The following OLA1 variants were observed in gnomAD, a reference collection of about 807,000 sequenced individuals.
The protein encoded by OLA1 is Obg like ATPase 1, also known as obg-like ATPase 1.
In OLA1, 14 loss-of-function variants were observed where a neutral mutation model predicts 48.4. That is an observed-to-expected ratio of 0.29 (90% CI 0.19 to 0.45). OLA1 has a LOEUF of 0.45. Ranked by LOEUF, OLA1 falls within the 20% of genes least tolerant of loss-of-function variation. The pLI is 1.00. For missense variants in OLA1, 325 were observed against 467.1 expected, an observed-to-expected ratio of 0.70 and a Z score of 2.80; for synonymous variants, 127 against 150.4, an observed-to-expected ratio of 0.84 and a Z score of 1.14.
At chr2:174,091,219 C>T (rs1258080081) in intron 7 of OLA1, among the ~76,000 whole-genome samples, 1 of 152,124 alleles carries the variant, frequency 6.6e-6, no homozygotes, top group African/African-American at 2.4e-5. Context: ...GCAAACTGGT[C>T]TAGATAAGTA....
intron 2 of OLA1, among the ~76,000 whole-genome samples, chr2:174,237,744 ACT>A (rs1324454606): frequency 6.6e-6 from 1 of 152,140 alleles, no homozygotes; most frequent in Non-Finnish European, 1.5e-5. Flanking sequence ...ATGGAGCAAG[ACT>A]CTGTCTCAAA....
chr2:174,161,182 C>T (rs1450606533), intron 4 of OLA1, among the ~76,000 whole-genome samples: 2 of 152,044 alleles, frequency 1.3e-5, no homozygotes, highest in African/African-American at 2.4e-5. Context: ...ATAGTTAATA[C>T]AATGCCATAT....
intron 4 of OLA1, among the ~76,000 whole-genome samples, chr2:174,214,608 C>A (rs1217954674): frequency 1.3e-5 from 2 of 152,080 alleles, no homozygotes; most frequent in African/African-American, 4.8e-5. Flanking sequence ...GTGGTTAGGG[C>A]CCTTGGGTGG....
chr2:174,105,053 AATG>A (rs911987625), intron 7 of OLA1, among the ~76,000 whole-genome samples: 3 of 152,046 alleles, frequency 2.0e-5, no homozygotes, highest in Non-Finnish European at 4.4e-5. Context: ...GAAAAAATTA[AATG>A]ATGTTAACCA....
chr2:174,238,455 C>T (rs1688911058), intron 2 of OLA1, among the ~76,000 whole-genome samples: 1 of 131,454 alleles, frequency 7.6e-6, no homozygotes, highest in Admixed American at 8.7e-5. Flanking sequence ...GACTGTGCCA[C>T]AGAACTCCAG....
chr2:174,109,420 C>A (rs570663849), intron 7 of OLA1, among the ~76,000 whole-genome samples: 55 of 152,232 alleles, frequency 3.6e-4, no homozygotes, highest in African/African-American at 1.3e-3. Context: ...CCATCACATA[C>A]CATAATCATG....
chr2:174,225,177 G>A (rs1234556470), intron 3 of OLA1, among the ~76,000 whole-genome samples: 4 of 152,082 alleles, frequency 2.6e-5, no homozygotes, highest in Non-Finnish European at 5.9e-5. Flanking sequence ...AAAATGGTCT[G>A]GTGCCTGTCT....
chr2:174,218,379 A>G (rs553431104), intron 4 of OLA1, among the ~76,000 whole-genome samples: 1 of 152,304 alleles, frequency 6.6e-6, no homozygotes, highest in African/African-American at 2.4e-5. Context: ...ATGAAAAAAA[A>G]ACCACCAGAA....
rs1354415030 is a variant in OLA1, at chr2:174,182,082, T to A, written c.374-40082A>T. ...AGGAACTGAAAGAGGGAAGAAAGAG[T>A]TAAATATCTGAAGAACTAAAAATCT... is the stretch of plus-strand genomic sequence containing the variant. On this transcript the variant is annotated intron_variant, in intron 4 of 10. Transcript: ENST00000284719. 2.0e-5 allele frequency among the ~76,000 whole-genome samples: 3 copies of A among 152,034 alleles called. No homozygotes were observed. The East Asian group carries it at 5.8e-4, about 29-fold the overall frequency.
Position 174,081,235 on chromosome 2 carries a change from T to A in OLA1, c.883A>T (p.Ile295Phe). The A allele has an allele frequency of 6.2e-7, 1 of 1,610,726 alleles. No individual in the cohort carries two copies. The highest frequency in any genetic ancestry group is 8.5e-7 in the Non-Finnish European group (1 of 1,178,804). Residue 295 changes from isoleucine (I) to phenylalanine (F), a missense_variant, in exon 9 of 11, where the codon ATC (isoleucine) becomes TTC (phenylalanine). Ile to Phe is a conservative substitution (Grantham distance 21). Coordinates refer to ENST00000284719, the MANE Select transcript of OLA1 (RefSeq NM_013341.5). ...AGTGCTGCAAACCCAGCCTTAATGA[T>A]CTTTGGCAAAGCACTGAAATCAAAT... ...ANMTQSALPK[I>F]IKAGFAALQL...
intron 4 of OLA1, among the ~76,000 whole-genome samples, chr2:174,173,692 G>A (rs79441264): frequency 3.3e-5 from 5 of 150,010 alleles, no homozygotes; most frequent in Non-Finnish European, 5.9e-5. Context: ...AATGAACAAA[G>A]AAAAAAAAAT....
chr2:174,184,915 G>A (rs993214178), intron 4 of OLA1, among the ~76,000 whole-genome samples: 1 of 152,188 alleles, frequency 6.6e-6, no homozygotes, highest in African/African-American at 2.4e-5. Flanking sequence ...TAATATGTAT[G>A]TATATAATAT....
chr2:174,119,274 T>C (rs1317635999), intron 7 of OLA1, among the ~76,000 whole-genome samples: 1 of 152,066 alleles, frequency 6.6e-6, no homozygotes, highest in Non-Finnish European at 1.5e-5. Context: ...AAAAATTATT[T>C]GAAATCCTAA....
chr2:174,125,931 ATT>A (rs1351828195), intron 5 of OLA1, among the ~76,000 whole-genome samples: 1 of 152,188 alleles, frequency 6.6e-6, no homozygotes, highest in African/African-American at 2.4e-5. Flanking sequence ...AAATAAAAAC[ATT>A]TTGTACTCAG....
chr2:174,153,935 C>G (rs1043076594), intron 4 of OLA1, among the ~76,000 whole-genome samples: 1 of 152,146 alleles, frequency 6.6e-6, no homozygotes. Context: ...GGCACAATCA[C>G]GACTCATTGC....
At chr2:174,104,279 G>T (rs1305434314) in intron 7 of OLA1, among the ~76,000 whole-genome samples, 1 of 152,014 alleles carries the variant, frequency 6.6e-6, no homozygotes, top group Non-Finnish European at 1.5e-5. Context: ...TGGGGGAAAA[G>T]CATTCCACAC....
chr2:174,081,957 C>T lies in OLA1; in HGVS notation c.836G>A (p.Arg279Lys). The change falls in exon 8 of 11, where the codon AGA becomes AAA. Residue 279 changes from arginine (R) to lysine (K), a missense_variant. By Grantham distance (26) the Arg-to-Lys change is conservative. Coordinates refer to ENST00000284719, the MANE Select transcript of OLA1 (RefSeq NM_013341.5). ...CATGTTCGCTTCCAGATACTTCTGT[C>T]TCTCCTCAGCACTCAATTCTTGCAA... ...LKLQELSAEE[R>K]QKYLEANMTQ... The T allele has an allele frequency of 6.2e-7, 1 of 1,612,906 alleles. No individual in the cohort carries two copies. The highest frequency in any genetic ancestry group is 8.5e-7 in the Non-Finnish European group (1 of 1,179,480).
At chr2:174,247,362 G>A (rs1018440523) in intron 1 of OLA1, 10 of 244,508 alleles carry the variant, frequency 4.1e-5, no homozygotes, top group African/African-American at 2.2e-4. Context: ...ACAAAGCTAG[G>A]CTCTGTCTTA....
intron 2 of OLA1, among the ~76,000 whole-genome samples, chr2:174,237,537 C>A (rs982528546): frequency 6.6e-6 from 1 of 152,076 alleles, no homozygotes; most frequent in Non-Finnish European, 1.5e-5. Context: ...CGCTTGAAGC[C>A]AGGAGTTCAA....
Sources: gnomAD v4.1 joint callset for allele counts (sites outside exome capture counted in the v4.1 genomes callset) on GRCh38, gnomAD v4.1.1 for gene constraint, MANE v1.5 for transcripts, NCBI Gene and HGNC (gene_info 2026-07-23, HGNC 2026-07-21) for gene names.